SH3TC2: variants seen among roughly 807,000 people sequenced by gnomAD.
SH3TC2 encodes SH3 domain and tetratricopeptide repeat-containing protein 2.
Under a neutral mutation model 124.5 loss-of-function variants are expected in SH3TC2, and 87 were observed. That is an observed-to-expected ratio of 0.70 (90% CI 0.59 to 0.84). The LOEUF is 0.84. Among genes scored for constraint, SH3TC2 ranks in the 40% least tolerant of loss-of-function variants. The pLI, the probability that SH3TC2 is intolerant of heterozygous loss-of-function variation, is 0.00. For missense variants in SH3TC2, 1,536 were observed against 1,566.4 expected (o/e 0.98, Z 0.33); for synonymous variants, 634 against 628.5 (o/e 1.01, Z -0.13).
rs1835939 is a variant in SH3TC2, at chr5:149,035,615, T to A, written c.1001+2680A>T. On this transcript the variant is annotated intron_variant, in intron 8 of 16. Transcript: ENST00000515425. ...TATCTGGAGAGTGCTTTGGGGGATA[T>A]GCAAGGAGCCAGTTCCCCTCTTCTC... is the stretch of plus-strand genomic sequence containing the variant. 11 of 152,538 alleles carry A rather than the reference T, an allele frequency of 7.2e-5. No individual in the cohort carries two copies. In the East Asian group the frequency reaches 2.1e-3, roughly 29 times the overall value. 9.4% of individuals were successfully genotyped at this position (152,538 alleles called of 1,614,324 possible).
chr5:149,031,618 C>G lies in SH3TC2; in HGVS notation c.1071G>C (p.Gln357His). 4 of 1,614,118 alleles carry G rather than the reference C, an allele frequency of 2.5e-6. No homozygotes were observed. The highest frequency in any genetic ancestry group is 3.4e-6 in the Non-Finnish European group (4 of 1,180,034). ...CSLLALGSDK[Q>H]TECSSFLHTL... is the part of the protein sequence containing the mutation. ...TGTGGAGGAAGCTGGAACACTCAGTCTGCTTATCACTTCCCAGGGCCAACA... is the reference window on the plus strand; with the variant it reads ...TGTGGAGGAAGCTGGAACACTCAGTGTGCTTATCACTTCCCAGGGCCAACA... The change falls in exon 9 of 17, where the codon CAG becomes CAC. Residue 357 changes from glutamine to histidine, a missense_variant. Gln to His is a conservative substitution (Grantham distance 24). Coordinates refer to ENST00000515425, the MANE Select transcript of SH3TC2 (RefSeq NM_024577.4).
chr5:149,027,790 G>A lies in SH3TC2; in HGVS notation c.1942C>T (p.Arg648Trp), dbSNP rs537049075. The A allele has an allele frequency of 2.1e-4, 335 of 1,613,914 alleles. 4 individuals carry two copies. In the South Asian group the frequency reaches 2.9e-3, roughly 14 times the overall value. The change falls in exon 11 of 17, where the codon CGG becomes TGG. Residue 648 changes from arginine to tryptophan, a missense_variant. Arg to Trp is a moderately radical substitution (Grantham distance 101). Coordinates refer to ENST00000515425, the MANE Select transcript of SH3TC2 (RefSeq NM_024577.4). ...GCAAAGGGCAGGACCTCCTCGTGCC[G>A]GCCTAGGCTCAGGAGCAAGCGGATG... is the stretch of plus-strand genomic sequence containing the variant. ...LAIRLLLSLG[R>W]HEEVLPFAER...
chr5:149,025,917 C>T (rs372328913), intron 12 of SH3TC2: 2 of 152,620 alleles, frequency 1.3e-5, no homozygotes, highest in African/African-American at 4.8e-5. Flanking sequence ...GTCAACACTC[C>T]TTTTATTCCA....
In SH3TC2 at chr5:148,986,411, C is replaced by T. The variant is rs865984283; in HGVS notation, c.*18300G>A. Among the ~76,000 whole-genome samples, 22 of 152,250 alleles carry T rather than the reference C, an allele frequency of 1.4e-4. No homozygotes were observed. Among genetic ancestry groups the T allele is most frequent in the African/African-American group, 3.9e-4 (16 of 41,544 alleles). ...CTAAATGATAGACTTAGTGAGAAAACGGAAGCCCTGGAAAGCCAAGGTAAC... is the reference window on the plus strand; with the variant it reads ...CTAAATGATAGACTTAGTGAGAAAATGGAAGCCCTGGAAAGCCAAGGTAAC... On this transcript the variant is annotated 3_prime_UTR_variant, in exon 17 of 17. Coordinates refer to ENST00000515425, the MANE Select transcript of SH3TC2 (RefSeq NM_024577.4).
In SH3TC2 at chr5:148,988,044, T is replaced by G. The variant is rs1753362113; in HGVS notation, c.*16667A>C. ...ACAGAGAGTCATATCATCTGCCCAC[T>G]TGGAGACAGAGAAGGTGACTTACCT... On this transcript the variant is annotated 3_prime_UTR_variant, in exon 17 of 17. Transcript: ENST00000515425. 6.6e-6 allele frequency among the ~76,000 whole-genome samples: 1 copy of G among 152,090 alleles called. No individual in the cohort carries two copies. Among genetic ancestry groups the G allele is most frequent in the Admixed American group, 6.6e-5 (1 of 15,264 alleles).
intron 7 of SH3TC2, among the ~76,000 whole-genome samples, chr5:149,040,050 C>T (rs1055758024): frequency 2.6e-5 from 4 of 152,128 alleles, no homozygotes; most frequent in African/African-American, 7.2e-5. Context: ...TATGGATCTA[C>T]AGTACTTACA....
Position 149,040,612 on chromosome 5 carries a change from T to G in SH3TC2, c.797A>C (p.Tyr266Ser). The change falls in exon 7 of 17, where the codon TAT becomes TCT. Residue 266 changes from tyrosine (Y) to serine (S), a missense_variant. Tyr to Ser is a moderately radical substitution (Grantham distance 144). This residue lies in a region of SH3TC2 where 1,102 missense variants were observed against 1,098.6 expected (regional missense o/e 1.00). Transcript: ENST00000515425. ...LSRKRDWTGS[Y>S]QIGRGRCKAL... ...TTTTGACTCAGCCATACCAATCTGA[T>G]AGGAGCCTGTCCAATCCCTCTTCCT... is the stretch of plus-strand genomic sequence containing the variant. The G allele has an allele frequency of 6.2e-7, 1 of 1,613,976 alleles. No homozygotes were observed. Among genetic ancestry groups the G allele is most frequent in the Non-Finnish European group, 8.5e-7 (1 of 1,179,814 alleles).
rs186004627 is a variant in SH3TC2, at chr5:148,989,328, G to T, written c.*15383C>A. Reference sequence around the variant, plus strand: ...TATTTATTATCCCCATTTTACAGTTGAAAGAGCCATAGCTCAGAAAGATAA... The same window carrying T: ...TATTTATTATCCCCATTTTACAGTTTAAAGAGCCATAGCTCAGAAAGATAA... On this transcript the variant is annotated 3_prime_UTR_variant, in exon 17 of 17. Transcript: ENST00000515425. 1.2e-4 allele frequency among the ~76,000 whole-genome samples: 19 copies of T among 152,240 alleles called. No individual in the cohort carries two copies. Among genetic ancestry groups the T allele is most frequent in the Admixed American group, 4.6e-4 (7 of 15,294 alleles).
At chr5:149,056,914 A>T (rs1754658332) in intron 1 of SH3TC2, among the ~76,000 whole-genome samples, 1 of 152,234 alleles carries the variant, frequency 6.6e-6, no homozygotes, top group Admixed American at 6.5e-5. Context: ...TTCGAAAAAA[A>T]TGTATGATTT....
At chr5:149,049,303 G>A (rs1021978940) in intron 2 of SH3TC2, among the ~76,000 whole-genome samples, 6 of 152,212 alleles carry the variant, frequency 3.9e-5, no homozygotes, top group African/African-American at 1.2e-4. Flanking sequence ...AGCTCTAGGA[G>A]GAGGCACAGT....
At chr5:149,015,253 A>G (rs1321774821) in intron 12 of SH3TC2, among the ~76,000 whole-genome samples, 1 of 152,178 alleles carries the variant, frequency 6.6e-6, no homozygotes, top group African/African-American at 2.4e-5. Context: ...CACATGATCT[A>G]TGATCTCCAG....
At chr5:149,011,984 T>A (rs920132347) in intron 13 of SH3TC2, among the ~76,000 whole-genome samples, 3 of 152,186 alleles carry the variant, frequency 2.0e-5, no homozygotes, top group African/African-American at 7.2e-5. Context: ...CTAATCCTTA[T>A]GCTAAAAGAT....
chr5:149,043,271 C>T (rs1044961517), intron 4 of SH3TC2, among the ~76,000 whole-genome samples: 1 of 152,116 alleles, frequency 6.6e-6, no homozygotes, highest in Admixed American at 6.6e-5. Flanking sequence ...ACATGGCTCC[C>T]CCTCAGTGAA....
chr5:149,008,336 T>G (rs1400389952), intron 15 of SH3TC2: 9 of 183,602 alleles, frequency 4.9e-5, no homozygotes, highest in Non-Finnish European at 1.0e-4. Flanking sequence ...ACACAAGATA[T>G]TCAGCTATGT....
At chr5:149,007,427 T>A in intron 15 of SH3TC2, 1 of 534,454 alleles carries the variant, frequency 1.9e-6, no homozygotes, top group Non-Finnish European at 3.3e-6. Context: ...TAATGCAGGA[T>A]TCTGAGAAAG....
intron 1 of SH3TC2, 32 bp downstream of exon 1, chr5:149,062,939 G>T (rs1181666870): frequency 1.3e-6 from 2 of 1,566,262 alleles, no homozygotes; most frequent in Non-Finnish European, 8.7e-7. Flanking sequence ...CTTTGGCCAA[G>T]CCACAGGCCA....
In SH3TC2 at chr5:148,986,623, T is replaced by C. The variant is rs1753336474; in HGVS notation, c.*18088A>G. On this transcript the variant is annotated 3_prime_UTR_variant, in exon 17 of 17. Coordinates refer to ENST00000515425, the MANE Select transcript of SH3TC2 (RefSeq NM_024577.4). ...TATCATTTTAAAAGTGAACTTCAATTAGATTATTCATACACAACAGGTTTG... is the reference window on the plus strand; with the variant it reads ...TATCATTTTAAAAGTGAACTTCAATCAGATTATTCATACACAACAGGTTTG... Among the ~76,000 whole-genome samples the C allele has an allele frequency of 6.6e-6, 1 of 152,204 alleles. No individual in the cohort carries two copies. The highest frequency in any genetic ancestry group is 6.5e-5 in the Admixed American group (1 of 15,284).
rs886060114 is a variant in SH3TC2 at position 148,989,399 on chromosome 5, AT to A, written c.*15311del. ...CAGATACTAAGCACTTTGAGACAAG[AT>A]TTGAACCTAGGTCTACCTTAACCAG... On this transcript the variant is annotated 3_prime_UTR_variant, in exon 17 of 17. Transcript: ENST00000515425. Among the ~76,000 whole-genome samples the A allele has an allele frequency of 6.6e-6, 1 of 152,374 alleles. No homozygotes were observed. Among genetic ancestry groups the A allele is most frequent in the Middle Eastern group, 3.4e-3 (1 of 294 alleles).
chr5:148,984,576 GTCTTCTGCC>G lies in SH3TC2; in HGVS notation c.*20126_*20134del, dbSNP rs1260202346. ...TGACTAAGTCGAAACCCCTGACTCAGTCTTCTGCCTCACTCTGGACTAGGCAATGCTTCA... is the reference window on the plus strand; with the variant it reads ...TGACTAAGTCGAAACCCCTGACTCAGTCACTCTGGACTAGGCAATGCTTCA... On this transcript the variant is annotated 3_prime_UTR_variant, in exon 17 of 17. Transcript: ENST00000515425. 1.3e-5 allele frequency among the ~76,000 whole-genome samples: 2 copies of G among 152,120 alleles called. No homozygotes were observed. The highest frequency in any genetic ancestry group is 2.9e-5 in the Non-Finnish European group (2 of 68,020).
Sources: allele counts gnomAD v4.1 joint callset (sites outside exome capture counted in the v4.1 genomes callset), GRCh38; gene constraint gnomAD v4.1.1; regional missense constraint gnomAD v4.1.1; transcripts MANE v1.5; gene names NCBI Gene and HGNC (gene_info 2026-07-23, HGNC 2026-07-21).